SNX11: variants seen among roughly 807,000 people sequenced by gnomAD.
The protein encoded by SNX11 is sorting nexin 11.
In SNX11, 19 loss-of-function variants were observed where a neutral mutation model predicts 30.7. The ratio of observed to expected loss-of-function variants is 0.62; its 90% CI spans 0.43 to 0.91. SNX11 has a LOEUF of 0.91. Ranked by LOEUF, SNX11 falls within the 40% of genes least tolerant of loss-of-function variation. The pLI, the probability that SNX11 is intolerant of heterozygous loss-of-function variation, is 0.00. For missense variants in SNX11, 302 were observed against 326.7 expected (o/e 0.92, Z 0.58); for synonymous variants, 112 against 119.0 (o/e 0.94, Z 0.38).
In SNX11 at chr17:48,116,233, G is replaced by A. The variant is rs145786647; in HGVS notation, c.231-2471G>A. Among the ~76,000 whole-genome samples the A allele has an allele frequency of 2.6e-4, 40 of 152,214 alleles. No individual in the cohort carries two copies. In the East Asian group the frequency reaches 7.1e-3, roughly 27 times the overall value. On this transcript the variant is annotated intron_variant, in intron 4 of 6. Coordinates refer to ENST00000359238, the MANE Select transcript of SNX11 (RefSeq NM_013323.3). ...AGATTGTGCCACTGCACTCCAGCCT[G>A]GTGACAGAGCGAGACTGTCTCAAAA...
rs139378953 is a variant in SNX11 at position 48,119,142 on chromosome 17, G to C, written c.495G>C (p.Glu165Asp). The change falls in exon 6 of 7, where the codon GAG (glutamate) becomes GAC (aspartate). Residue 165 changes from glutamate (E) to aspartate (D), a missense_variant. By Grantham distance (45) the Glu-to-Asp change is conservative. Coordinates refer to ENST00000359238, the MANE Select transcript of SNX11 (RefSeq NM_013323.3). ...CAAACTGTGGCTGGGCCCAGGAAGA[G>C]AGGCAGAGCTCTTCTCACCTGGCTA... ...AMSNCGWAQE[E>D]RQSSSHLAKG... 20 of 1,614,104 alleles carry C rather than the reference G, an allele frequency of 1.2e-5. No homozygotes were observed. Among genetic ancestry groups the C allele is most frequent in the Non-Finnish European group, 1.5e-5 (18 of 1,180,002 alleles).
At chr17:48,120,873 C>T (rs886436756) in intron 6 of SNX11, among the ~76,000 whole-genome samples, 1 of 149,918 alleles carries the variant, frequency 6.7e-6, no homozygotes, top group Non-Finnish European at 1.5e-5. Context: ...TCTCCACCTC[C>T]CAGACTCAAA....
intron 4 of SNX11, among the ~76,000 whole-genome samples, chr17:48,114,439 G>A (rs2063523267): frequency 6.7e-6 from 1 of 150,246 alleles, no homozygotes. Context: ...TAGGCGTGAG[G>A]CACCATGCCC....
chr17:48,111,893 TAAG>T, intron 1 of SNX11, 135 bp from the exon 2 acceptor site: 1 of 663,016 alleles, frequency 1.5e-6, no homozygotes, highest in African/African-American at 1.8e-5. Context: ...TGCTTCCTCT[TAAG>T]TTTTACAAGA....
At chr17:48,112,367 C>T in intron 2 of SNX11, 1 of 641,088 alleles carries the variant, frequency 1.6e-6, no homozygotes. Context: ...ATCCCCAGTG[C>T]CTATAACAGT....
chr17:48,116,013 A>C (rs2063542641), intron 4 of SNX11, among the ~76,000 whole-genome samples: 1 of 147,714 alleles, frequency 6.8e-6, no homozygotes, highest in Non-Finnish European at 1.5e-5. Flanking sequence ...CACGCCCAGC[A>C]CTTTGGGAGG....
At chr17:48,109,985 GATGT>G (rs2063474950) in intron 1 of SNX11, among the ~76,000 whole-genome samples, 1 of 68,672 alleles carries the variant, frequency 1.5e-5, no homozygotes, top group Non-Finnish European at 3.8e-5. Context: ...AGGCACAAAA[GATGT>G]ATGAGCTCCA....
intron 6 of SNX11, among the ~76,000 whole-genome samples, chr17:48,120,213 T>G (rs1034893315): frequency 7.0e-6 from 1 of 142,224 alleles, no homozygotes; most frequent in African/African-American, 2.6e-5. Flanking sequence ...TTTTTTTTTT[T>G]TTTTTTTTTT....
chr17:48,113,522 A>T, intron 4 of SNX11, 121 bp downstream of exon 4: 21 of 643,520 alleles, frequency 3.3e-5, no homozygotes, highest in South Asian at 5.1e-5. Flanking sequence ...ATTGGGAAAT[A>T]TGTTGTTTCT....
At position 48,123,245 on chromosome 17, in the gene SNX11, C is replaced by T. The variant is rs1273718370; in HGVS notation, c.*1737C>T. 2.6e-5 allele frequency among the ~76,000 whole-genome samples: 4 copies of T among 152,152 alleles called. No homozygotes were observed. The South Asian group carries it at 8.3e-4, about 31-fold the overall frequency. ...TCCATGTGCAACCCTCACAAAAACC[C>T]GACAGATGCTAAGCTAATGGCATCC... On this transcript the variant is annotated 3_prime_UTR_variant, in exon 7 of 7. Transcript: ENST00000359238.
rs376166068 is a variant in SNX11, at chr17:48,113,294, T to A, written c.130-7T>A. 1 of 1,611,106 alleles carries A rather than the reference T, an allele frequency of 6.2e-7. No individual in the cohort carries two copies. The highest frequency in any genetic ancestry group is 8.5e-7 in the Non-Finnish European group (1 of 1,177,536). On this transcript the variant is annotated splice_region_variant and splice_polypyrimidine_tract_variant and intron_variant, in intron 3 of 6. Transcript: ENST00000359238. ...TTTTCATGTACTTCATGTGCTTTCA[T>A]GTATAGACCAACAGCAAAGCCTTTA...
chr17:48,108,813 C>T (rs1485203385), intron 1 of SNX11, among the ~76,000 whole-genome samples: 1 of 152,222 alleles, frequency 6.6e-6, no homozygotes, highest in Admixed American at 6.5e-5. Context: ...TGCTGCTTCT[C>T]CAGAGGCAGA....
At chr17:48,112,733 T>TC (rs1202989531) in intron 3 of SNX11, 73 bp downstream of exon 3, 1 of 529,564 alleles carries the variant, frequency 1.9e-6, no homozygotes, top group South Asian at 3.6e-5. Flanking sequence ...GGTGTAACCT[T>TC]TTTTTTTTTT....
intron 2 of SNX11, 96 bp from the exon 3 acceptor site, chr17:48,112,478 A>G (rs1000404740): frequency 1.3e-6 from 1 of 760,964 alleles, no homozygotes; most frequent in Non-Finnish European, 2.3e-6. Flanking sequence ...TGTTGAGTGA[A>G]TGAAAGTTGG....
At position 48,121,646 on chromosome 17, in the gene SNX11, A is replaced by G; in HGVS notation, c.*138A>G. On this transcript the variant is annotated 3_prime_UTR_variant, in exon 7 of 7. Transcript: ENST00000359238. Reference sequence around the variant, plus strand: ...GTCACCTCTGCTTGGGCTGATTGACAGAGGTCAGTCATTACAGCCCCTTAT... The same window carrying G: ...GTCACCTCTGCTTGGGCTGATTGACGGAGGTCAGTCATTACAGCCCCTTAT... The G allele has an allele frequency of 1.2e-6, 1 of 854,480 alleles. No homozygotes were observed. The highest frequency in any genetic ancestry group is 1.8e-6 in the Non-Finnish European group (1 of 547,170). 52.9% of individuals were successfully genotyped at this position (854,480 alleles called of 1,614,324 possible).
chr17:48,121,511 T>G lies in SNX11; in HGVS notation c.*3T>G. 6.2e-7 allele frequency: 1 copy of G among 1,612,898 alleles called. No homozygotes were observed. The highest frequency in any genetic ancestry group is 8.5e-7 in the Non-Finnish European group (1 of 1,179,858). ...TAGAAACAGTTTTGGAAAAGTGAGC[T>G]CTGGGTTCTGCTCTGAGATGGTCAG... On this transcript the variant is annotated 3_prime_UTR_variant, in exon 7 of 7. Transcript: ENST00000359238.
chr17:48,114,398 C>T (rs1051178823), intron 4 of SNX11, among the ~76,000 whole-genome samples: 3 of 151,786 alleles, frequency 2.0e-5, no homozygotes, highest in Non-Finnish European at 4.4e-5. Flanking sequence ...GGTGATCTGC[C>T]TGCCTTAGCC....
chr17:48,114,887 G>C lies in SNX11; in HGVS notation c.230+1486G>C, dbSNP rs571765167. Among the ~76,000 whole-genome samples, 33 of 150,608 alleles carry C rather than the reference G, an allele frequency of 2.2e-4. No homozygotes were observed. In the South Asian group the frequency reaches 6.7e-3, roughly 31 times the overall value. On this transcript the variant is annotated intron_variant, in intron 4 of 6. Coordinates refer to ENST00000359238, the MANE Select transcript of SNX11 (RefSeq NM_013323.3). Reference sequence around the variant, plus strand: ...TTACCACGTTGCCCAGGCTGGTGTCGAACTCCTGAGCTCAGGCAATCCACC... The same window carrying C: ...TTACCACGTTGCCCAGGCTGGTGTCCAACTCCTGAGCTCAGGCAATCCACC...
intron 4 of SNX11, among the ~76,000 whole-genome samples, chr17:48,115,943 C>T (rs1158343444): frequency 3.8e-5 from 5 of 130,300 alleles, no homozygotes; most frequent in East Asian, 2.2e-4. Flanking sequence ...CTTTTTCTTT[C>T]TTTTTTTTTT....
Sources: allele counts gnomAD v4.1 joint callset (sites outside exome capture counted in the v4.1 genomes callset), GRCh38; gene constraint gnomAD v4.1.1; transcripts MANE v1.5; gene names NCBI Gene and HGNC (gene_info 2026-07-23, HGNC 2026-07-21).